The following TCF7L2 variants were observed in gnomAD, a reference collection of about 807,000 sequenced individuals.
TCF7L2 encodes the protein transcription factor 7 like 2, also known as transcription factor 7-like 2.
TCF7L2 carries 23 observed loss-of-function variants against 77.9 expected under a neutral mutation model. The ratio of observed to expected loss-of-function variants is 0.30; its 90% CI spans 0.21 to 0.42. The LOEUF (loss-of-function observed/expected upper bound fraction) is 0.42, where lower values mean the gene tolerates loss of function less well. TCF7L2 is among the 10% of genes least tolerant of loss of function. TCF7L2 has a pLI of 1.00. For synonymous variants in TCF7L2, 413 were observed against 340.2 expected (o/e 1.21, Z -2.36); for missense variants, 654 against 793.1 (o/e 0.82, Z 2.11).
chr10:113,010,584 CT>C (rs748468545), intron 4 of TCF7L2, among the ~76,000 whole-genome samples: 6 of 152,214 alleles, frequency 3.9e-5, no homozygotes, highest in Non-Finnish European at 8.8e-5. Flanking sequence ...GACAAGACAA[CT>C]GAATCTCAGA....
chr10:113,119,497 G>A (rs367891758), intron 5 of TCF7L2, among the ~76,000 whole-genome samples: 150 of 152,294 alleles, frequency 9.8e-4, no homozygotes, highest in African/African-American at 3.4e-3. Flanking sequence ...CTTAGGTTAT[G>A]TGCAATAAAG....
chr10:113,094,711 A>G (rs1418091299), intron 5 of TCF7L2, among the ~76,000 whole-genome samples: 2 of 152,206 alleles, frequency 1.3e-5, no homozygotes, highest in African/African-American at 4.8e-5. Context: ...ACATCTCTCT[A>G]TACTAGAAAC....
intron 3 of TCF7L2, among the ~76,000 whole-genome samples, chr10:112,957,027 T>C (rs2033798637): frequency 6.6e-6 from 1 of 152,110 alleles, no homozygotes; most frequent in Non-Finnish European, 1.5e-5. Context: ...GCTATTGTTA[T>C]ACACATTTAT....
chr10:112,994,054 C>CAAAAAAAA (rs762753537), intron 4 of TCF7L2, among the ~76,000 whole-genome samples: 1 of 111,680 alleles, frequency 9.0e-6, no homozygotes, highest in African/African-American at 3.2e-5. Flanking sequence ...GACTCTGTCT[C>CAAAAAAAA]AAAAAAAAAA....
At chr10:113,087,986 T>C (rs2060002902) in intron 5 of TCF7L2, among the ~76,000 whole-genome samples, 2 of 152,214 alleles carry the variant, frequency 1.3e-5, no homozygotes, top group Non-Finnish European at 2.9e-5. Flanking sequence ...CCACTATGTC[T>C]ACTGTGATAG....
intron 5 of TCF7L2, among the ~76,000 whole-genome samples, chr10:113,057,302 T>C (rs2055558442): frequency 6.6e-6 from 1 of 152,200 alleles, no homozygotes; most frequent in Non-Finnish European, 1.5e-5. Flanking sequence ...CCAGAAGAGC[T>C]CGGATTACAG....
At chr10:113,089,859 C>T (rs1432712978) in intron 5 of TCF7L2, among the ~76,000 whole-genome samples, 1 of 152,182 alleles carries the variant, frequency 6.6e-6, no homozygotes, top group African/African-American at 2.4e-5. Context: ...CAACATTATC[C>T]CATTAAACTT....
intron 4 of TCF7L2, among the ~76,000 whole-genome samples, chr10:113,020,588 G>A (rs747141311): frequency 2.6e-5 from 4 of 152,246 alleles, no homozygotes; most frequent in Non-Finnish European, 4.4e-5. Context: ...GCAGCTGGGT[G>A]CAGAGGCGGG....
intron 5 of TCF7L2, among the ~76,000 whole-genome samples, chr10:113,084,722 C>T (rs771573975): frequency 5.9e-5 from 9 of 151,952 alleles, no homozygotes; most frequent in Non-Finnish European, 1.3e-4. Flanking sequence ...TGGTGAAACC[C>T]GGTCTCTACC....
intron 4 of TCF7L2, among the ~76,000 whole-genome samples, chr10:112,989,620 T>A (rs2042168935): frequency 6.6e-6 from 1 of 152,188 alleles, no homozygotes; most frequent in South Asian, 2.1e-4. Flanking sequence ...TGCACAAGCC[T>A]TTGATGCAGG....
chr10:113,161,642 T>C, intron 13 of TCF7L2: 2 of 1,535,308 alleles, frequency 1.3e-6, no homozygotes. Context: ...TCCCTGTTTG[T>C]AGTGCCTCCC....
chr10:112,975,153 G>A (rs1414118550), intron 4 of TCF7L2, among the ~76,000 whole-genome samples: 2 of 152,084 alleles, frequency 1.3e-5, no homozygotes, highest in Non-Finnish European at 2.9e-5. Context: ...AAGTAGGTAC[G>A]TGTACTATAT....
intron 5 of TCF7L2, among the ~76,000 whole-genome samples, chr10:113,060,960 C>T (rs191452841): frequency 9.9e-5 from 15 of 152,282 alleles, no homozygotes; most frequent in Non-Finnish European, 1.8e-4. Flanking sequence ...CATTTTTTAT[C>T]TGGGAGGCCT....
chr10:113,149,801 C>T (rs1485364061), intron 8 of TCF7L2, among the ~76,000 whole-genome samples: 1 of 152,184 alleles, frequency 6.6e-6, no homozygotes, highest in African/African-American at 2.4e-5. Context: ...TTCATCTGAA[C>T]AGCTTCCCAT....
chr10:113,067,194 T>C (rs1354531005), intron 5 of TCF7L2, among the ~76,000 whole-genome samples: 1 of 152,206 alleles, frequency 6.6e-6, no homozygotes, highest in East Asian at 1.9e-4. Flanking sequence ...TGATATATAC[T>C]TTGAGGACCT....
intron 5 of TCF7L2, among the ~76,000 whole-genome samples, chr10:113,109,598 C>T (rs1463914908): frequency 1.3e-5 from 2 of 152,178 alleles, no homozygotes; most frequent in Non-Finnish European, 2.9e-5. Flanking sequence ...TCCACGTTGG[C>T]TAGGCTGGTC....
At chr10:112,960,390 A>G (rs1199055486) in intron 3 of TCF7L2, among the ~76,000 whole-genome samples, 2 of 152,210 alleles carry the variant, frequency 1.3e-5, no homozygotes, top group African/African-American at 4.8e-5. Context: ...CCGAGTCTTC[A>G]CCGTTCTTCC....
intron 5 of TCF7L2, among the ~76,000 whole-genome samples, chr10:113,088,655 G>A (rs150913739): frequency 1.1e-4 from 17 of 152,110 alleles, no homozygotes; most frequent in Admixed American, 7.9e-4. Flanking sequence ...AAGGTGTTAA[G>A]GTATGAGTGA....
At chr10:113,047,865 G>A (rs2053724826) in intron 5 of TCF7L2, among the ~76,000 whole-genome samples, 1 of 152,188 alleles carries the variant, frequency 6.6e-6, no homozygotes, top group African/African-American at 2.4e-5. Context: ...TTCTCAAGCT[G>A]GGGCCTGTTG....
Sources: allele counts gnomAD v4.1 joint callset (sites outside exome capture counted in the v4.1 genomes callset), GRCh38; gene constraint gnomAD v4.1.1; transcripts MANE v1.5; gene names NCBI Gene and HGNC (gene_info 2026-07-23, HGNC 2026-07-21).